SCD5: variants seen among roughly 807,000 people sequenced by gnomAD.
The protein encoded by SCD5 is stearoyl-CoA desaturase 5, also known as acyl-CoA-desaturase 4.
Under a neutral mutation model 30.4 loss-of-function variants are expected in SCD5, and 20 were observed. That is an observed-to-expected ratio of 0.66 (90% CI 0.46 to 0.96). SCD5 has a LOEUF of 0.96. SCD5 is among the 40% of genes least tolerant of loss of function. The pLI is 0.00. For missense variants in SCD5, 381 were observed against 443.3 expected (o/e 0.86, Z 1.26); for synonymous variants, 173 against 176.4 (o/e 0.98, Z 0.16).
chr4:82,746,928 G>A lies in SCD5; in HGVS notation c.233-41515C>T, dbSNP rs188001355. ...CAATCCTGTTGCCATATAAACCCGA[G>A]ACCTTAAGTGGACGCAGACACAAGG... On this transcript the variant is annotated intron_variant, in intron 1 of 4. Transcript: ENST00000319540. 2.1e-4 allele frequency among the ~76,000 whole-genome samples: 29 copies of A among 139,080 alleles called. 1 individual carries two copies. The East Asian group carries it at 5.8e-3, about 28-fold the overall frequency. 91.2% of individuals were successfully genotyped at this position (139,080 alleles called of 152,430 possible).
chr4:82,789,150 A>C (rs1424440657), intron 1 of SCD5, among the ~76,000 whole-genome samples: 1 of 152,200 alleles, frequency 6.6e-6, no homozygotes, highest in Non-Finnish European at 1.5e-5. Context: ...CCATGCACAG[A>C]GTCTCCTTGC....
rs1727439690 is a variant in SCD5 at position 82,636,727 on chromosome 4, C to G, written c.666G>C (p.Leu222Phe). The G allele has an allele frequency of 6.2e-7, 1 of 1,614,200 alleles. No individual in the cohort carries two copies. Residue 222 changes from leucine to phenylalanine, a missense_variant, in exon 4 of 5, where the codon TTG becomes TTC. By Grantham distance (22) the Leu-to-Phe change is conservative. Transcript: ENST00000319540. ...WGESLWNSYF[L>F]ASILRYTISL... ...AGATGGTATAGCGGAGAATAGAGGC[C>G]AAGAAGTAGGAATTCCACAGACTCT...
intron 3 of SCD5, among the ~76,000 whole-genome samples, chr4:82,669,397 G>A (rs190975402): frequency 6.6e-6 from 1 of 151,982 alleles, no homozygotes; most frequent in Admixed American, 6.6e-5. Flanking sequence ...GAAGTAAAAT[G>A]CTGAACAAAC....
At chr4:82,746,883 C>G (rs1010307421) in intron 1 of SCD5, among the ~76,000 whole-genome samples, 1 of 152,078 alleles carries the variant, frequency 6.6e-6, no homozygotes, top group Non-Finnish European at 1.5e-5. Context: ...TTCCAAGACC[C>G]CTCTGGCCTA....
intron 1 of SCD5, among the ~76,000 whole-genome samples, chr4:82,723,883 C>T (rs185497771): frequency 6.6e-6 from 1 of 152,298 alleles, no homozygotes; most frequent in African/African-American, 2.4e-5. Flanking sequence ...TGACTAGCTC[C>T]TAGCTCAAAA....
At chr4:82,722,911 T>TACAAAAATTAC (rs1240589978) in intron 1 of SCD5, among the ~76,000 whole-genome samples, 2 of 151,498 alleles carry the variant, frequency 1.3e-5, no homozygotes, top group Non-Finnish European at 2.9e-5. Flanking sequence ...CCACTACAAA[T>TACAAAAATTAC]ACAAAAATTA....
chr4:82,783,735 G>A lies in SCD5; in HGVS notation c.232+14571C>T, dbSNP rs562111834. Among the ~76,000 whole-genome samples, 1,279 of 151,464 alleles carry A rather than the reference G, an allele frequency of 8.4e-3. 21 individuals carry two copies. The highest frequency in any genetic ancestry group is 0.029 in the African/African-American group (1,212 of 41,262). On this transcript the variant is annotated intron_variant, in intron 1 of 4. Coordinates refer to ENST00000319540, the MANE Select transcript of SCD5 (RefSeq NM_001037582.3). ...GGAGAATCGCTTGAACCTAGGAGGC[G>A]GAGGTTGCAGTGAGCCGAGATCGCA...
intron 1 of SCD5, among the ~76,000 whole-genome samples, chr4:82,773,448 G>A (rs1009682417): frequency 6.6e-5 from 10 of 152,130 alleles, no homozygotes; most frequent in African/African-American, 2.2e-4. Context: ...AATCAGCAGG[G>A]CCACCCAAGT....
chr4:82,662,587 T>A (rs1008928489), intron 3 of SCD5, among the ~76,000 whole-genome samples: 1 of 151,090 alleles, frequency 6.6e-6, no homozygotes, highest in Non-Finnish European at 1.5e-5. Flanking sequence ...GGGCCGGGTA[T>A]GGTGGCTCAT....
chr4:82,645,568 C>A (rs1412310366), intron 3 of SCD5, among the ~76,000 whole-genome samples: 1 of 152,164 alleles, frequency 6.6e-6, no homozygotes, highest in African/African-American at 2.4e-5. Flanking sequence ...CCACTACCCA[C>A]CCCTCTCAAA....
chr4:82,710,558 G>C (rs1392404415), intron 1 of SCD5, among the ~76,000 whole-genome samples: 1 of 152,164 alleles, frequency 6.6e-6, no homozygotes, highest in Non-Finnish European at 1.5e-5. Context: ...TTTTTCCCCA[G>C]AGAACTGAGG....
chr4:82,785,696 T>G (rs1721971253), intron 1 of SCD5, among the ~76,000 whole-genome samples: 1 of 152,194 alleles, frequency 6.6e-6, no homozygotes, highest in Admixed American at 6.5e-5. Context: ...TTTTTCTCCC[T>G]CTACAGAGTC....
intron 4 of SCD5, among the ~76,000 whole-genome samples, chr4:82,632,630 T>G (rs1483383459): frequency 6.6e-6 from 1 of 152,234 alleles, no homozygotes; most frequent in African/African-American, 2.4e-5. Flanking sequence ...CCACAATGGT[T>G]GAACTAGTTT....
At chr4:82,750,254 T>C (rs1181578768) in intron 1 of SCD5, among the ~76,000 whole-genome samples, 7 of 152,182 alleles carry the variant, frequency 4.6e-5, no homozygotes, top group Non-Finnish European at 8.8e-5. Flanking sequence ...AGACATGGTC[T>C]TCCACATTGA....
At chr4:82,709,247 G>A (rs1720029936) in intron 1 of SCD5, among the ~76,000 whole-genome samples, 1 of 152,098 alleles carries the variant, frequency 6.6e-6, no homozygotes, top group Non-Finnish European at 1.5e-5. Context: ...TTACTCCCTT[G>A]CCTGTAATAC....
chr4:82,674,978 C>T (rs1728406287), intron 3 of SCD5, among the ~76,000 whole-genome samples: 1 of 151,984 alleles, frequency 6.6e-6, no homozygotes, highest in South Asian at 2.1e-4. Context: ...GGGAAGAGAG[C>T]GATGAACAGA....
Position 82,726,782 on chromosome 4 carries a change from C to T in SCD5, c.233-21369G>A, listed in dbSNP as rs146620315. On this transcript the variant is annotated intron_variant, in intron 1 of 4. Transcript: ENST00000319540. ...AGGCCACAGTGTGCAGTGTGAGACGCGCTGGACTGGATAAAGCCTATGCTT... is the reference window on the plus strand; with the variant it reads ...AGGCCACAGTGTGCAGTGTGAGACGTGCTGGACTGGATAAAGCCTATGCTT... 1.3e-4 allele frequency among the ~76,000 whole-genome samples: 20 copies of T among 152,282 alleles called. No homozygotes were observed. The East Asian group carries it at 3.3e-3, about 25-fold the overall frequency.
chr4:82,711,983 T>C (rs1578032714), intron 1 of SCD5, among the ~76,000 whole-genome samples: 1 of 151,320 alleles, frequency 6.6e-6, no homozygotes, highest in East Asian at 1.9e-4. Flanking sequence ...TCATGTGCCC[T>C]ATAATAATAA....
intron 1 of SCD5, among the ~76,000 whole-genome samples, chr4:82,765,260 T>C (rs188886461): frequency 1.2e-4 from 19 of 152,326 alleles, no homozygotes; most frequent in East Asian, 3.9e-4. Context: ...TTGTTGGATA[T>C]AGAATTCTCA....
Sources: gnomAD v4.1 joint callset for allele counts (sites outside exome capture counted in the v4.1 genomes callset) on GRCh38, gnomAD v4.1.1 for gene constraint, MANE v1.5 for transcripts, NCBI Gene and HGNC (gene_info 2026-07-23, HGNC 2026-07-21) for gene names.